The following THRAP3 variants were observed in gnomAD, a reference collection of about 807,000 sequenced individuals.
THRAP3 encodes the protein thyroid hormone receptor associated protein 3, also known as thyroid hormone receptor-associated protein 3.
A neutral mutation model predicts 101.0 loss-of-function variants in THRAP3; 16 were observed. The observed-to-expected ratio is 0.16, with a 90% CI of 0.11 to 0.24. The LOEUF is 0.24. Among genes scored for constraint, THRAP3 ranks in the 10% least tolerant of loss-of-function variants. The pLI is 1.00. For missense variants in THRAP3, 989 were observed against 1,202.7 expected, an observed-to-expected ratio of 0.82 and a Z score of 2.63; for synonymous variants, 407 against 422.6, an observed-to-expected ratio of 0.96 and a Z score of 0.45.
At chr1:36,259,555 A>G (rs1357070599) in intron 2 of THRAP3, 71 bp downstream of exon 2, 1 of 396,632 alleles carries the variant, frequency 2.5e-6, no homozygotes, top group African/African-American at 2.1e-5. Context: ...TTAAGAATTG[A>G]TTATTTCGAG....
intron 9 of THRAP3, among the ~76,000 whole-genome samples, chr1:36,297,305 A>G (rs755782419): frequency 6.6e-6 from 1 of 152,178 alleles, no homozygotes; most frequent in Non-Finnish European, 1.5e-5. Flanking sequence ...ATTCATGCCT[A>G]TGTCCTGATG....
intron 2 of THRAP3, among the ~76,000 whole-genome samples, chr1:36,267,076 G>A (rs1240532696): frequency 6.6e-6 from 1 of 151,984 alleles, no homozygotes; most frequent in Non-Finnish European, 1.5e-5. Context: ...TAGAGACGGG[G>A]TTTCATCATA....
intron 1 of THRAP3, among the ~76,000 whole-genome samples, chr1:36,237,498 C>T (rs1403716897): frequency 3.4e-5 from 5 of 146,326 alleles, no homozygotes; most frequent in African/African-American, 1.0e-4. Context: ...AGGCTGGGCG[C>T]GATGGCTCAT....
chr1:36,239,029 GT>G (rs1645123836), intron 1 of THRAP3, among the ~76,000 whole-genome samples: 1 of 151,944 alleles, frequency 6.6e-6, no homozygotes. Flanking sequence ...CGCCTCCTGG[GT>G]TCACGCCATT....
intron 8 of THRAP3, among the ~76,000 whole-genome samples, chr1:36,295,570 T>TTCCTTCCC: frequency 6.7e-6 from 1 of 148,190 alleles, no homozygotes; most frequent in African/African-American, 2.4e-5. Flanking sequence ...CCTTCCTTCC[T>TTCCTTCCC]TCCTTCCCTC....
intron 9 of THRAP3, among the ~76,000 whole-genome samples, chr1:36,299,048 C>T (rs1645996610): frequency 6.6e-6 from 1 of 152,104 alleles, no homozygotes; most frequent in Non-Finnish European, 1.5e-5. Context: ...CCTGCCTTGG[C>T]CCTCTGAAGT....
intron 2 of THRAP3, among the ~76,000 whole-genome samples, chr1:36,280,908 A>T (rs1229884710): frequency 6.6e-6 from 1 of 152,024 alleles, no homozygotes; most frequent in African/African-American, 2.4e-5. Context: ...CCCTGAAAGA[A>T]AGTTGACTCT....
chr1:36,256,687 A>C (rs555155341), intron 1 of THRAP3, among the ~76,000 whole-genome samples: 67 of 152,294 alleles, frequency 4.4e-4, no homozygotes, highest in African/African-American at 1.6e-3. Context: ...GGCTGCCCTC[A>C]TTACCCAGAG....
rs182990849 is a variant in THRAP3, at chr1:36,251,400, T to C, written c.-134-7982T>C. Among the ~76,000 whole-genome samples, 18 of 152,248 alleles carry C rather than the reference T, an allele frequency of 1.2e-4. No homozygotes were observed. The South Asian group carries it at 1.7e-3, about 14-fold the overall frequency. On this transcript the variant is annotated intron_variant, in intron 1 of 11. Transcript: ENST00000354618. ...CCCGAGAGCATGAGTTTAAAAACCATTGGTCTAGGTAGAAACGTTCAGGTG... is the reference window on the plus strand; with the variant it reads ...CCCGAGAGCATGAGTTTAAAAACCACTGGTCTAGGTAGAAACGTTCAGGTG...
At chr1:36,223,877 G>A (rs1238781991), upstream of THRAP3, among the ~76,000 whole-genome samples, 2 of 152,120 alleles carry the variant, frequency 1.3e-5, no homozygotes, top group African/African-American at 4.8e-5. Flanking sequence ...TTTGCGTTGC[G>A]CTTTCAGGGT....
chr1:36,219,909 C>A (rs773302789), upstream of THRAP3, among the ~76,000 whole-genome samples: 1 of 152,158 alleles, frequency 6.6e-6, no homozygotes, highest in African/African-American at 2.4e-5. Context: ...GCTCATTTAC[C>A]ATTCTGAAAA....
At chr1:36,225,858 G>T (rs1374584235) in intron 1 of THRAP3, among the ~76,000 whole-genome samples, 1 of 152,200 alleles carries the variant, frequency 6.6e-6, no homozygotes. Flanking sequence ...GCAGCCATTT[G>T]GGCTTAATTG....
At position 36,286,808 on chromosome 1, in the gene THRAP3, C is replaced by T. The variant is rs1400832578; in HGVS notation, c.578C>T (p.Ala193Val). ...AAGGATAGCCGGCCATCTCAGGCTGCCGGGGATAACCAGGGAGATGAGGCC... is the reference window on the plus strand; with the variant it reads ...AAGGATAGCCGGCCATCTCAGGCTGTCGGGGATAACCAGGGAGATGAGGCC... Reference protein sequence around the residue: ...SSKDSRPSQAAGDNQGDEAKE... With the variant: ...SSKDSRPSQAVGDNQGDEAKE... The change falls in exon 4 of 12, where the codon GCC (alanine) becomes GTC (valine). Residue 193 changes from alanine to valine, a missense_variant. Transcript: ENST00000354618. This position sits in a 1 kb window ranked among gnomAD's most constrained non-coding sequence, Gnocchi z 5.5. 2 of 1,614,064 alleles carry T rather than the reference C, an allele frequency of 1.2e-6. No homozygotes were observed. The highest frequency in any genetic ancestry group is 3.3e-5 in the Admixed American group (2 of 60,006).
intron 1 of THRAP3, among the ~76,000 whole-genome samples, chr1:36,234,627 G>A (rs1307311313): frequency 6.6e-6 from 1 of 152,080 alleles, no homozygotes; most frequent in Non-Finnish European, 1.5e-5. Flanking sequence ...TATTATGAAA[G>A]CTTAATATTT....
intron 2 of THRAP3, among the ~76,000 whole-genome samples, chr1:36,276,158 C>T (rs1300306562): frequency 1.3e-5 from 2 of 151,730 alleles, no homozygotes; most frequent in Non-Finnish European, 2.9e-5. Flanking sequence ...TTAGACAAAA[C>T]CTGCTTAGAC....
chr1:36,222,769 C>T (rs1445691802), upstream of THRAP3, among the ~76,000 whole-genome samples: 1 of 152,114 alleles, frequency 6.6e-6, no homozygotes, highest in Non-Finnish European at 1.5e-5. Flanking sequence ...ATCTAGTTTA[C>T]TACCGTGTTC....
the THRAP3 span, among the ~76,000 whole-genome samples, chr1:36,210,746 A>ATCATATATATATATCATATATATATC: frequency 1.0e-5 from 1 of 98,868 alleles, no homozygotes; most frequent in South Asian, 3.0e-4. Context: ...TCATATATAT[A>ATCATATATATATATCATATATATATC]AAGTGTCAGC....
rs532021531 is a variant in THRAP3 at position 36,227,298 on chromosome 1, T to C, written c.-135+2793T>C. 5.3e-5 allele frequency among the ~76,000 whole-genome samples: 8 copies of C among 152,208 alleles called. No individual in the cohort carries two copies. In the East Asian group the frequency reaches 1.3e-3, roughly 26 times the overall value. ...AACATTATTTACAACTTTTTTTTTT[T>C]TTGAGATGGTGTTTCGCTCTTGTTG... On this transcript the variant is annotated intron_variant, in intron 1 of 11. Transcript: ENST00000354618.
the THRAP3 span, among the ~76,000 whole-genome samples, chr1:36,217,459 G>T: frequency 6.6e-6 from 1 of 152,106 alleles, no homozygotes; most frequent in African/African-American, 2.4e-5. Context: ...GGCCAGGGAA[G>T]GGGCAGCGGT....
Sources: allele counts gnomAD v4.1 joint callset (sites outside exome capture counted in the v4.1 genomes callset), GRCh38; gene constraint gnomAD v4.1.1; non-coding constraint Gnocchi (gnomAD v3.1); transcripts MANE v1.5; gene names NCBI Gene and HGNC (gene_info 2026-07-23, HGNC 2026-07-21).